EFHB: variants seen among roughly 807,000 people sequenced by gnomAD.
EFHB encodes EF-hand domain family member B.
A neutral mutation model predicts 87.2 loss-of-function variants in EFHB; 91 were observed. The observed-to-expected ratio is 1.04, with a 90% CI of 0.88 to 1.24. The LOEUF is 1.24. Ranked by LOEUF, EFHB falls within the 50% of genes most tolerant of loss-of-function variation. The probability of loss-of-function intolerance (pLI) is 0.00; values close to 1 mark genes in which losing one functional copy is unlikely to be tolerated. For synonymous variants in EFHB, 325 were observed against 333.6 expected, an observed-to-expected ratio of 0.97 and a Z score of 0.28; for missense variants, 1,084 against 998.8, an observed-to-expected ratio of 1.09 and a Z score of -1.15.
intron 1 of EFHB, among the ~76,000 whole-genome samples, chr3:19,929,816 A>G (rs961638419): frequency 6.6e-6 from 1 of 152,184 alleles, no homozygotes; most frequent in East Asian, 1.9e-4. Flanking sequence ...CAAATGAAAA[A>G]TCAAAACAAA....
chr3:19,941,206 T>C (rs1456633646), intron 1 of EFHB: 8 of 343,120 alleles, frequency 2.3e-5, no homozygotes, highest in Non-Finnish European at 4.6e-5. Flanking sequence ...CTTGTCTAGT[T>C]TGGTGTCTTG....
At chr3:19,945,801 T>C (rs1696261960) in intron 1 of EFHB, 1 of 152,172 alleles carries the variant, frequency 6.6e-6, no homozygotes, top group Non-Finnish European at 1.5e-5. Flanking sequence ...AGACGGGCTG[T>C]TCAAAGTTCA....
In EFHB at chr3:19,933,962, C is replaced by T. The variant is rs769324206; in HGVS notation, c.57G>A (p.Arg19=). ...HEGKDDLGDK[R]VIMGTKFPME... is the part of the protein sequence containing the mutation. ...TGGGAAATTTTGTTCCCATGATGAC[C>T]CTCTTGTCTCCTAAATCATCCTTTC... The change falls in exon 1 of 13, where the codon AGG becomes AGA. Residue 19 remains arginine (R), a synonymous_variant. Coordinates refer to ENST00000295824, the MANE Select transcript of EFHB (RefSeq NM_144715.4). The T allele has an allele frequency of 3.1e-6, 5 of 1,613,050 alleles. No individual in the cohort carries two copies. Among genetic ancestry groups the T allele is most frequent in the Non-Finnish European group, 4.2e-6 (5 of 1,179,498 alleles).
chr3:19,919,745 G>T, intron 3 of EFHB, 88 bp downstream of exon 3: 1 of 1,294,216 alleles, frequency 7.7e-7, no homozygotes, highest in South Asian at 1.4e-5. Flanking sequence ...GAAGGAGATT[G>T]GAACTGATGA....
chr3:19,915,668 T>C (rs530637733), intron 4 of EFHB, among the ~76,000 whole-genome samples: 1 of 151,688 alleles, frequency 6.6e-6, no homozygotes, highest in South Asian at 2.1e-4. Context: ...GTGTGTAATC[T>C]CAGCACTTTG....
rs2071766712 is a variant in EFHB at position 19,884,550 on chromosome 3, TGAG to T, written c.1996_1998del (p.Leu666del). 1.2e-6 allele frequency: 2 copies of T among 1,614,024 alleles called. No individual in the cohort carries two copies. The highest frequency in any genetic ancestry group is 1.7e-6 in the Non-Finnish European group (2 of 1,179,888). ...TTTAAGACAATATCTTCTGGCTTTATGAGGAGAGTTTGTTCAGGTTCTTCAACA... is the reference window on the plus strand; with the variant it reads ...TTTAAGACAATATCTTCTGGCTTTATGAGAGTTTGTTCAGGTTCTTCAACA... On this transcript the variant is annotated inframe_deletion, in exon 11 of 13. Coordinates refer to ENST00000295824, the MANE Select transcript of EFHB (RefSeq NM_144715.4).
rs1694863296 is a variant in EFHB, at chr3:19,906,985, G to A, written c.1289-1236C>T. Among the ~76,000 whole-genome samples, 6 of 151,432 alleles carry A rather than the reference G, an allele frequency of 4.0e-5. No individual in the cohort carries two copies. In the South Asian group the frequency reaches 1.2e-3, roughly 31 times the overall value. On this transcript the variant is annotated intron_variant, in intron 5 of 12. Transcript: ENST00000295824. The stretch of plus-strand genomic sequence containing the variant: ...ACAAGGATAGTCTCTTCAATAAATG[G>A]TCCTGGGAAACCTGATTTCCACATG...
At position 19,933,628 on chromosome 3, in the gene EFHB, C is replaced by T; in HGVS notation, c.391G>A (p.Gly131Ser). Reference protein sequence around the residue: ...THERIIQPPLGRVCGSSQAAG... With the variant: ...THERIIQPPLSRVCGSSQAAG... Reference sequence around the variant, plus strand: ...GCCTGTGAACTTCCACACACCCTGCCCAAAGGAGGCTGTATTATCCGTTCA... The same window carrying T: ...GCCTGTGAACTTCCACACACCCTGCTCAAAGGAGGCTGTATTATCCGTTCA... The change falls in exon 1 of 13, where the codon GGC becomes AGC. Residue 131 changes from glycine to serine, a missense_variant. Gly to Ser is a moderately conservative substitution (Grantham distance 56, BLOSUM62 0). Coordinates refer to ENST00000295824, the MANE Select transcript of EFHB (RefSeq NM_144715.4). 6.2e-7 allele frequency: 1 copy of T among 1,613,984 alleles called. No homozygotes were observed.
chr3:19,940,371 G>C, intron 1 of EFHB: 1 of 401,458 alleles, frequency 2.5e-6, no homozygotes, highest in East Asian at 6.1e-5. Flanking sequence ...TTGTAATGAT[G>C]GGATTGCAGA....
upstream of EFHB, chr3:19,936,085 T>TA: frequency 7.7e-7 from 1 of 1,300,798 alleles, no homozygotes. Flanking sequence ...AAAAACCCCT[T>TA]AAAATCCAAA....
chr3:19,890,155 A>G (rs1406933937), intron 9 of EFHB, among the ~76,000 whole-genome samples: 1 of 152,162 alleles, frequency 6.6e-6, no homozygotes, highest in African/African-American at 2.4e-5. Context: ...TGCACTGAAA[A>G]CACTGGTGGT....
chr3:19,936,315 A>G (rs905113506), upstream of EFHB: 4 of 567,348 alleles, frequency 7.1e-6, no homozygotes, highest in Admixed American at 3.1e-5. Flanking sequence ...GCACCATTGC[A>G]TGCCAGCCTG....
chr3:19,905,619 C>T lies in EFHB; in HGVS notation c.1418+1G>A. On this transcript the variant is annotated splice_donor_variant, in intron 6 of 12. Transcript: ENST00000295824. LOFTEE classifies it high-confidence loss of function. ...CCTGGGCACAGTATAATTAAACTTA[C>T]ATTTGTAGTTCATGGAGCCAATATA... is the stretch of plus-strand genomic sequence containing the variant. 6.2e-7 allele frequency: 1 copy of T among 1,612,934 alleles called. No individual in the cohort carries two copies. Among genetic ancestry groups the T allele is most frequent in the South Asian group, 1.1e-5 (1 of 90,944 alleles).
rs866107748 is a variant in EFHB, at chr3:19,888,717, A to G, written c.1726-66T>C. ...CTTCAAGAGCAGAGTAGGCAACATT[A>G]TTTAGTTTAAGAAAAAAGAAATAGC... On this transcript the variant is annotated intron_variant, in intron 9 of 12. Transcript: ENST00000295824. The G allele has an allele frequency of 2.5e-5, 33 of 1,303,916 alleles. No homozygotes were observed. The Middle Eastern group carries it at 9.4e-4, about 37-fold the overall frequency. 80.8% of individuals were successfully genotyped at this position (1,303,916 alleles called of 1,614,324 possible). A position where few individuals can be genotyped will look rare whatever the true frequency, so the allele number is the denominator to read the frequency against.
At chr3:19,900,576 G>A (rs1462104052) in intron 6 of EFHB, among the ~76,000 whole-genome samples, 5 of 152,142 alleles carry the variant, frequency 3.3e-5, no homozygotes, top group East Asian at 1.9e-4. Flanking sequence ...AAACACTCAT[G>A]CCCTTTTATC....
intron 9 of EFHB, among the ~76,000 whole-genome samples, chr3:19,889,618 C>A (rs1387641513): frequency 1.3e-5 from 2 of 152,176 alleles, no homozygotes; most frequent in Non-Finnish European, 2.9e-5. Context: ...CAGTCAGACC[C>A]ACAGCCCTGG....
Position 19,918,349 on chromosome 3 carries a change from C to G in EFHB, c.1060G>C (p.Glu354Gln). The G allele has an allele frequency of 3.7e-6, 6 of 1,611,482 alleles. No homozygotes were observed. Among genetic ancestry groups the G allele is most frequent in the Non-Finnish European group, 4.2e-6 (5 of 1,179,128 alleles). The change falls in exon 4 of 13, where the codon GAA becomes CAA. Residue 354 changes from glutamate (E) to glutamine (Q), a missense_variant. By Grantham distance (29) the Glu-to-Gln change is conservative (BLOSUM62 2). Coordinates refer to ENST00000295824, the MANE Select transcript of EFHB (RefSeq NM_144715.4). ...TFQQKIKDKK[E>Q]SIYLSNRRAP... ...CGTCGATTGCTAAGATATATAGATTCTTTTTTATCTTTAATTTTCTGTTGA... is the reference window on the plus strand; with the variant it reads ...CGTCGATTGCTAAGATATATAGATTGTTTTTTATCTTTAATTTTCTGTTGA...
intron 10 of EFHB, among the ~76,000 whole-genome samples, chr3:19,885,310 C>T (rs1348781274): frequency 6.6e-6 from 1 of 151,716 alleles, no homozygotes; most frequent in Non-Finnish European, 1.5e-5. Flanking sequence ...TAAGACAAGA[C>T]ATGCTTGTAG....
At chr3:19,889,800 C>A (rs1694241917) in intron 9 of EFHB, among the ~76,000 whole-genome samples, 1 of 152,206 alleles carries the variant, frequency 6.6e-6, no homozygotes, top group Admixed American at 6.5e-5. Flanking sequence ...GGGAGCCTGA[C>A]CAACACGGAG....
Sources: allele counts gnomAD v4.1 joint callset (sites outside exome capture counted in the v4.1 genomes callset), GRCh38; gene constraint gnomAD v4.1.1; transcripts MANE v1.5; gene names NCBI Gene and HGNC (gene_info 2026-07-23, HGNC 2026-07-21).